The following PRTG variants were observed in gnomAD, a reference collection of about 807,000 sequenced individuals.
The protein encoded by PRTG is protogenin, also known as immunoglobulin superfamily, DCC subclass, member 5.
In PRTG, 67 loss-of-function variants were observed where a neutral mutation model predicts 122.5. That is an observed-to-expected ratio of 0.55 (90% CI 0.45 to 0.67). The LOEUF is 0.67. Ranked by LOEUF, PRTG falls within the 30% of genes least tolerant of loss-of-function variation. The probability of loss-of-function intolerance (pLI) is 0.00; values close to 1 mark genes in which losing one functional copy is unlikely to be tolerated. For missense variants in PRTG, 1,435 were observed against 1,415.4 expected, an observed-to-expected ratio of 1.01 and a Z score of -0.22; for synonymous variants, 554 against 501.1, an observed-to-expected ratio of 1.11 and a Z score of -1.41.
intron 11 of PRTG, among the ~76,000 whole-genome samples, chr15:55,663,026 C>T (rs1202436727): frequency 6.6e-6 from 1 of 152,216 alleles, no homozygotes; most frequent in Non-Finnish European, 1.5e-5. Context: ...TCCTACTTCC[C>T]CAATCCTGGT....
At chr15:55,654,194 G>A (rs948616546) in intron 11 of PRTG, among the ~76,000 whole-genome samples, 6 of 152,206 alleles carry the variant, frequency 3.9e-5, no homozygotes, top group African/African-American at 1.4e-4. Flanking sequence ...CATTTGGTAA[G>A]ATGAGTCTCT....
At position 55,742,837 on chromosome 15, in the gene PRTG, C is replaced by G; in HGVS notation, c.94+1G>C. 1 of 1,541,788 alleles carries G rather than the reference C, an allele frequency of 6.5e-7. No homozygotes were observed. On this transcript the variant is annotated splice_donor_variant, in intron 1 of 19. Transcript: ENST00000389286. LOFTEE classifies it high-confidence loss of function. ...GAGAAAGCAGAAGAAAGCGCGCCCA[C>G]CTGGCAAAGGACTGAGCAGCAGCAG...
chr15:55,648,274 G>A (rs114833809), intron 11 of PRTG, among the ~76,000 whole-genome samples: 1,644 of 152,178 alleles, frequency 0.011, 36 homozygotes, highest in African/African-American at 0.038. Flanking sequence ...TTACAATGAG[G>A]TGTTTCTTAT....
At chr15:55,723,700 C>A (rs185730932) in intron 2 of PRTG, among the ~76,000 whole-genome samples, 125 of 151,250 alleles carry the variant, frequency 8.3e-4, no homozygotes, top group African/African-American at 2.8e-3. Context: ...AAAGATTCAT[C>A]ACATATTTAT....
intron 11 of PRTG, among the ~76,000 whole-genome samples, chr15:55,653,482 G>C (rs1349355374): frequency 1.3e-5 from 2 of 149,324 alleles, no homozygotes; most frequent in Non-Finnish European, 3.0e-5. Context: ...TTTTTTCTGA[G>C]ATGGAGTTTC....
At chr15:55,655,737 G>A (rs1239722481) in intron 11 of PRTG, 2 of 152,078 alleles carry the variant, frequency 1.3e-5, no homozygotes, top group Admixed American at 6.5e-5. Context: ...CAAACTTATA[G>A]TATATACTGA....
chr15:55,612,962 G>T lies in PRTG; in HGVS notation c.*7050C>A, dbSNP rs1396354638. 1 of 151,764 alleles carries T rather than the reference G, an allele frequency of 6.6e-6. No homozygotes were observed. The highest frequency in any genetic ancestry group is 1.5e-5 in the Non-Finnish European group (1 of 67,898). 9.4% of individuals were successfully genotyped at this position (151,764 alleles called of 1,614,324 possible). A position where few individuals can be genotyped will look rare whatever the true frequency, so the allele number is the denominator to read the frequency against. On this transcript the variant is annotated 3_prime_UTR_variant, in exon 20 of 20. Transcript: ENST00000389286. ...AAGGCAAAATATAATTGCAAAGGCT[G>T]ACTTGAAAAGAAAGAGTCTGTAAAA... is the stretch of plus-strand genomic sequence containing the variant.
chr15:55,673,018 T>C (rs1385844827), intron 10 of PRTG, among the ~76,000 whole-genome samples: 1 of 152,168 alleles, frequency 6.6e-6, no homozygotes, highest in African/African-American at 2.4e-5. Flanking sequence ...GTCTAGAATT[T>C]TGCAGTCCTA....
rs1379182091 is a variant in PRTG, at chr15:55,642,551, T to G, written c.2042-1343A>C. Among the ~76,000 whole-genome samples the G allele has an allele frequency of 2.0e-5, 3 of 146,362 alleles. No individual in the cohort carries two copies. The Admixed American group carries it at 2.1e-4, about 10-fold the overall frequency. ...GAGAATCGCTTGCAGTGAGCCAATA[T>G]TGTACCACTGCACTCCAGCCTGGGT... On this transcript the variant is annotated intron_variant, in intron 11 of 19. Coordinates refer to ENST00000389286, the MANE Select transcript of PRTG (RefSeq NM_173814.6).
chr15:55,622,911 G>A (rs1040025299), intron 18 of PRTG, among the ~76,000 whole-genome samples: 2 of 151,956 alleles, frequency 1.3e-5, no homozygotes, highest in Non-Finnish European at 2.9e-5. Context: ...AAGTTGAATG[G>A]CTTAATTTGT....
At chr15:55,642,042 C>A (rs1399464708) in intron 11 of PRTG, among the ~76,000 whole-genome samples, 2 of 150,418 alleles carry the variant, frequency 1.3e-5, no homozygotes, top group South Asian at 2.1e-4. Context: ...GGCGCAGTGG[C>A]GGGCGCCTGT....
At chr15:55,695,509 C>T (rs1279249906) in intron 2 of PRTG, among the ~76,000 whole-genome samples, 1 of 152,176 alleles carries the variant, frequency 6.6e-6, no homozygotes, top group Non-Finnish European at 1.5e-5. Flanking sequence ...GCAGTTCAGC[C>T]AGGGGATCCC....
In PRTG at chr15:55,617,742, A is replaced by AC. The variant is rs1474341707; in HGVS notation, c.*2269dup. The AC allele has an allele frequency of 2.0e-5, 3 of 152,150 alleles. No homozygotes were observed. Among genetic ancestry groups the AC allele is most frequent in the African/African-American group, 7.2e-5 (3 of 41,442 alleles). 9.4% of individuals were successfully genotyped at this position (152,150 alleles called of 1,614,324 possible). A position where few individuals can be genotyped will look rare whatever the true frequency, so the allele number is the denominator to read the frequency against. On this transcript the variant is annotated 3_prime_UTR_variant, in exon 20 of 20. Transcript: ENST00000389286. ...TAGCTCGTCTTTTTAGCCATTTAAA[A>AC]CCACTCGAATTCATGTAGTCCTAGA...
At chr15:55,635,838 T>C (rs1198958628) in intron 15 of PRTG, among the ~76,000 whole-genome samples, 1 of 152,216 alleles carries the variant, frequency 6.6e-6, no homozygotes, top group East Asian at 1.9e-4. Flanking sequence ...TGCCTAGTAC[T>C]GTACAGTGTA....
rs1446532885 is a variant in PRTG, at chr15:55,639,846, G to C, written c.2138-18C>G. Reference sequence around the variant, plus strand: ...ACGAACAGCTATTGAGAAAAACAATGTTAATTTACGATACGACATAACATT... The same window carrying C: ...ACGAACAGCTATTGAGAAAAACAATCTTAATTTACGATACGACATAACATT... On this transcript the variant is annotated intron_variant, in intron 12 of 19. Coordinates refer to ENST00000389286, the MANE Select transcript of PRTG (RefSeq NM_173814.6). 1.2e-6 allele frequency: 2 copies of C among 1,612,090 alleles called. No individual in the cohort carries two copies. The highest frequency in any genetic ancestry group is 2.2e-5 in the East Asian group (1 of 44,864).
chr15:55,719,835 G>A (rs2030742622), intron 2 of PRTG, among the ~76,000 whole-genome samples: 2 of 152,136 alleles, frequency 1.3e-5, no homozygotes, highest in South Asian at 4.1e-4. Context: ...GAGGTGGGCA[G>A]ATCACCTGAG....
intron 2 of PRTG, among the ~76,000 whole-genome samples, chr15:55,699,280 T>C (rs1453327165): frequency 2.0e-5 from 3 of 152,164 alleles, no homozygotes; most frequent in African/African-American, 7.2e-5. Flanking sequence ...TGGCTTTTTT[T>C]TGGTATTTTC....
At chr15:55,645,302 C>T (rs1193158024) in intron 11 of PRTG, among the ~76,000 whole-genome samples, 7 of 148,458 alleles carry the variant, frequency 4.7e-5, no homozygotes, top group East Asian at 3.9e-4. Context: ...GGCATGGTGG[C>T]GCGTGCCTGT....
chr15:55,659,771 T>C (rs2059399445), intron 11 of PRTG, among the ~76,000 whole-genome samples: 2 of 151,598 alleles, frequency 1.3e-5, no homozygotes, highest in African/African-American at 4.8e-5. Context: ...AACACAAAAT[T>C]AGCTGGGCGT....
Sources: gnomAD v4.1 joint callset for allele counts (sites outside exome capture counted in the v4.1 genomes callset) on GRCh38, gnomAD v4.1.1 for gene constraint, MANE v1.5 for transcripts, NCBI Gene and HGNC (gene_info 2026-07-23, HGNC 2026-07-21) for gene names.